Variants in ANKRD13C observed in about 807,000 individuals in gnomAD.
The protein encoded by ANKRD13C is ankyrin repeat domain 13C.
A neutral mutation model predicts 65.5 loss-of-function variants in ANKRD13C; 16 were observed. The observed-to-expected ratio is 0.24, with a 90% CI of 0.17 to 0.37. ANKRD13C has a LOEUF of 0.37. ANKRD13C is among the 10% of genes least tolerant of loss of function. The pLI is 1.00. For missense variants in ANKRD13C, 503 were observed against 655.9 expected (o/e 0.77, Z 2.55); for synonymous variants, 235 against 238.7 (o/e 0.98, Z 0.14).
At chr1:70,273,166 C>A (rs976355316) in intron 11 of ANKRD13C, among the ~76,000 whole-genome samples, 5 of 152,100 alleles carry the variant, frequency 3.3e-5, no homozygotes, top group Non-Finnish European at 4.4e-5. Flanking sequence ...ATAGAACAAT[C>A]TATCTACTTA....
At chr1:70,331,725 C>T (rs1487416226) in intron 2 of ANKRD13C, among the ~76,000 whole-genome samples, 1 of 142,258 alleles carries the variant, frequency 7.0e-6, no homozygotes, top group African/African-American at 2.6e-5. Context: ...ACTAGGTAGG[C>T]TGAGGTGGGA....
chr1:70,341,489 G>A (rs1414833321), intron 1 of ANKRD13C, among the ~76,000 whole-genome samples: 4 of 150,330 alleles, frequency 2.7e-5, no homozygotes, highest in Non-Finnish European at 5.9e-5. Flanking sequence ...AGCCTCCCAA[G>A]TAGCTGGGAT....
At chr1:70,267,120 T>C (rs535894755) in intron 12 of ANKRD13C, among the ~76,000 whole-genome samples, 89 of 152,328 alleles carry the variant, frequency 5.8e-4, no homozygotes, top group African/African-American at 2.1e-3. Flanking sequence ...TTGGTATATA[T>C]ACATTTAGAA....
chr1:70,268,049 G>T (rs1270139850), intron 12 of ANKRD13C, among the ~76,000 whole-genome samples: 1 of 152,084 alleles, frequency 6.6e-6, no homozygotes, highest in African/African-American at 2.4e-5. Flanking sequence ...TGTTGTTGTT[G>T]TTGTTTTTTG....
At chr1:70,268,790 G>C (rs1572017552) in intron 12 of ANKRD13C, among the ~76,000 whole-genome samples, 2 of 152,276 alleles carry the variant, frequency 1.3e-5, no homozygotes, top group African/African-American at 4.8e-5. Flanking sequence ...TCAGAGAAAA[G>C]ACCATTCATA....
intron 9 of ANKRD13C, among the ~76,000 whole-genome samples, chr1:70,282,394 C>T (rs1190812889): frequency 6.6e-6 from 1 of 152,002 alleles, no homozygotes; most frequent in Non-Finnish European, 1.5e-5. Flanking sequence ...AAGGCCACAT[C>T]CTAGGAATGG....
intron 2 of ANKRD13C, among the ~76,000 whole-genome samples, chr1:70,327,337 T>A (rs1212980009): frequency 3.3e-5 from 5 of 152,090 alleles, no homozygotes; most frequent in African/African-American, 1.2e-4. Flanking sequence ...GATTTTCAAT[T>A]CACAGAAAAA....
chr1:70,303,946 C>T (rs1238452213), intron 6 of ANKRD13C, among the ~76,000 whole-genome samples: 1 of 152,150 alleles, frequency 6.6e-6, no homozygotes, highest in African/African-American at 2.4e-5. Context: ...TAGTAAGCCC[C>T]ATGTCTAGTA....
Position 70,289,115 on chromosome 1 carries a change from A to G in ANKRD13C, c.1215+3273T>C, listed in dbSNP as rs372190317. ...AATATTCATCAACTATAAAGTTCAA[A>G]ATCCTATGGTTTATATGGGAAGTGT... On this transcript the variant is annotated intron_variant, in intron 9 of 12. Transcript: ENST00000370944. 3.3e-5 allele frequency among the ~76,000 whole-genome samples: 5 copies of G among 152,340 alleles called. 1 individual carries two copies. The highest frequency in any genetic ancestry group is 2.4e-5 in the African/African-American group (1 of 41,584).
intron 1 of ANKRD13C, among the ~76,000 whole-genome samples, chr1:70,342,282 G>A (rs894021538): frequency 6.6e-6 from 1 of 152,136 alleles, no homozygotes; most frequent in Non-Finnish European, 1.5e-5. Flanking sequence ...GCTCATGCAT[G>A]TAATCCCAGC....
intron 1 of ANKRD13C, among the ~76,000 whole-genome samples, chr1:70,345,821 G>A (rs1053043770): frequency 7.2e-5 from 11 of 151,968 alleles, no homozygotes; most frequent in African/African-American, 2.7e-4. Context: ...GAAGTCATAG[G>A]TTTACTTCAT....
At chr1:70,328,178 C>A (rs1681630043) in intron 2 of ANKRD13C, among the ~76,000 whole-genome samples, 1 of 151,942 alleles carries the variant, frequency 6.6e-6, no homozygotes, top group Admixed American at 6.6e-5. Context: ...TTGTGATAAT[C>A]TTTCAATTTT....
chr1:70,293,006 A>G (rs1162341828), intron 8 of ANKRD13C, among the ~76,000 whole-genome samples: 1 of 152,184 alleles, frequency 6.6e-6, no homozygotes, highest in African/African-American at 2.4e-5. Flanking sequence ...ATGTCACACA[A>G]GAATCTCTAG....
At chr1:70,281,934 A>T (rs1321346661) in intron 9 of ANKRD13C, among the ~76,000 whole-genome samples, 2 of 150,826 alleles carry the variant, frequency 1.3e-5, no homozygotes, top group African/African-American at 2.4e-5. Context: ...CAGGAGGCAG[A>T]GGTTGCAGTG....
At chr1:70,278,830 T>C (rs960066358) in intron 9 of ANKRD13C, among the ~76,000 whole-genome samples, 1 of 152,158 alleles carries the variant, frequency 6.6e-6, no homozygotes, top group Non-Finnish European at 1.5e-5. Context: ...TTCTATTATG[T>C]CAACTTAACT....
intron 12 of ANKRD13C, among the ~76,000 whole-genome samples, chr1:70,270,611 A>G (rs557058024): frequency 1.2e-4 from 19 of 152,268 alleles, no homozygotes; most frequent in African/African-American, 4.6e-4. Context: ...TGAAGTTCAC[A>G]ATAGGGTTCA....
At chr1:70,302,854 T>C (rs937106515) in intron 6 of ANKRD13C, among the ~76,000 whole-genome samples, 3 of 151,718 alleles carry the variant, frequency 2.0e-5, no homozygotes, top group African/African-American at 4.9e-5. Flanking sequence ...AAGTGCACTA[T>C]TTGGGCTCCA....
At chr1:70,322,625 G>C (rs899418004) in intron 3 of ANKRD13C, among the ~76,000 whole-genome samples, 3 of 152,126 alleles carry the variant, frequency 2.0e-5, no homozygotes, top group Admixed American at 6.5e-5. Context: ...GAAGAGACCA[G>C]GTCTTTTATT....
chr1:70,309,670 G>A (rs572732446), intron 5 of ANKRD13C, among the ~76,000 whole-genome samples: 2 of 147,316 alleles, frequency 1.4e-5, no homozygotes, highest in East Asian at 2.0e-4. Context: ...AGCTTGCAGT[G>A]AGCCGAGATC....
Sources: gnomAD v4.1 joint callset for allele counts (sites outside exome capture counted in the v4.1 genomes callset) on GRCh38, gnomAD v4.1.1 for gene constraint, MANE v1.5 for transcripts, NCBI Gene and HGNC (gene_info 2026-07-23, HGNC 2026-07-21) for gene names.